The following SLC9A2 variants were observed in gnomAD, a reference collection of about 807,000 sequenced individuals.
SLC9A2 encodes the protein solute carrier family 9 member A2, also known as sodium/hydrogen exchanger 2.
In SLC9A2, 42 loss-of-function variants were observed where a neutral mutation model predicts 71.7. That is an observed-to-expected ratio of 0.59 (90% CI 0.46 to 0.76). The LOEUF (loss-of-function observed/expected upper bound fraction) is 0.76. Ranked by LOEUF, SLC9A2 falls within the 30% of genes least tolerant of loss-of-function variation. The pLI is 0.00. For synonymous variants in SLC9A2, 396 were observed against 392.5 expected, an observed-to-expected ratio of 1.01 and a Z score of -0.10; for missense variants, 829 against 1,017.4, an observed-to-expected ratio of 0.81 and a Z score of 2.52.
At chr2:102,683,936 A>G (rs1166345476) in intron 4 of SLC9A2, among the ~76,000 whole-genome samples, 198 bp from the exon 5 acceptor site, 1 of 151,820 alleles carries the variant, frequency 6.6e-6, no homozygotes, top group Non-Finnish European at 1.5e-5. Flanking sequence ...CTGATTTCAC[A>G]TTTTCACCCA....
At chr2:102,708,091 G>A (rs1398328354) in intron 11 of SLC9A2, 28 bp from the exon 12 acceptor site, 3 of 1,589,720 alleles carry the variant, frequency 1.9e-6, no homozygotes, top group Admixed American at 1.7e-5. Context: ...TAAAATGCTT[G>A]CCCACCTTGT....
intron 1 of SLC9A2, among the ~76,000 whole-genome samples, chr2:102,640,322 T>C (rs1248089001): frequency 1.3e-5 from 2 of 152,176 alleles, no homozygotes; most frequent in African/African-American, 4.8e-5. Flanking sequence ...TATCCTAAAA[T>C]TCAATTCTAT....
chr2:102,660,631 A>G (rs2104522296), intron 2 of SLC9A2, among the ~76,000 whole-genome samples: 1 of 152,360 alleles, frequency 6.6e-6, no homozygotes, highest in East Asian at 1.9e-4. Flanking sequence ...TCTTTGATTC[A>G]TTCATTCAGG....
chr2:102,636,185 T>C (rs969022068), intron 1 of SLC9A2, among the ~76,000 whole-genome samples: 3 of 152,134 alleles, frequency 2.0e-5, no homozygotes, highest in African/African-American at 4.8e-5. Flanking sequence ...TTTGCAACCA[T>C]AAGCAAATGG....
Position 102,708,376 on chromosome 2 carries a change from G to C in SLC9A2, c.2326G>C (p.Glu776Gln), listed in dbSNP as rs1238747699. The C allele has an allele frequency of 6.2e-7, 1 of 1,614,228 alleles. No individual in the cohort carries two copies. The highest frequency in any genetic ancestry group is 1.7e-5 in the Admixed American group (1 of 60,034). Residue 776 changes from glutamate (E) to glutamine (Q), a missense_variant, in exon 12 of 12, where the codon GAG (glutamate) becomes CAG (glutamine). Coordinates refer to ENST00000233969, the MANE Select transcript of SLC9A2 (RefSeq NM_003048.6). ...TCTCTCTAAAGACCAGTCTGGCTCAGAGAGGGAAGACAGTTTGACTGAAGG... is the reference window on the plus strand; with the variant it reads ...TCTCTCTAAAGACCAGTCTGGCTCACAGAGGGAAGACAGTTTGACTGAAGG... ...PLLSKDQSGSEREDSLTEGIP... is the reference protein window; with the variant it reads ...PLLSKDQSGSQREDSLTEGIP...
At chr2:102,653,342 C>T (rs932799954) in intron 1 of SLC9A2, among the ~76,000 whole-genome samples, 1 of 152,128 alleles carries the variant, frequency 6.6e-6, no homozygotes, top group Non-Finnish European at 1.5e-5. Context: ...TTTTTTTCAA[C>T]AAGCATCCCT....
intron 3 of SLC9A2, among the ~76,000 whole-genome samples, chr2:102,675,863 A>T (rs1461335589): frequency 1.3e-5 from 2 of 152,206 alleles, no homozygotes; most frequent in African/African-American, 2.4e-5. Context: ...CCTCTTTGCA[A>T]GCCTCTGCCT....
At chr2:102,650,121 A>G (rs1342453922) in intron 1 of SLC9A2, among the ~76,000 whole-genome samples, 1 of 152,260 alleles carries the variant, frequency 6.6e-6, no homozygotes, top group Non-Finnish European at 1.5e-5. Flanking sequence ...CATATACACC[A>G]TGGAATACTA....
chr2:102,652,820 AT>A (rs568656699), intron 1 of SLC9A2, among the ~76,000 whole-genome samples: 13 of 152,166 alleles, frequency 8.5e-5, no homozygotes, highest in African/African-American at 2.6e-4. Flanking sequence ...TGACTGATAC[AT>A]TTTTTCCCAA....
At chr2:102,632,125 T>TACAC (rs1159659759) in intron 1 of SLC9A2, among the ~76,000 whole-genome samples, 1 of 109,560 alleles carries the variant, frequency 9.1e-6, no homozygotes, top group East Asian at 2.4e-4. Context: ...TATATACATA[T>TACAC]ATACATATAT....
intron 1 of SLC9A2, among the ~76,000 whole-genome samples, chr2:102,622,580 A>T (rs550077643): frequency 6.6e-6 from 1 of 152,156 alleles, no homozygotes; most frequent in East Asian, 1.9e-4. Flanking sequence ...AAAAATGGGG[A>T]GATTAACTTG....
chr2:102,649,808 T>A (rs1255912894), intron 1 of SLC9A2, among the ~76,000 whole-genome samples: 1 of 152,000 alleles, frequency 6.6e-6, no homozygotes, highest in Non-Finnish European at 1.5e-5. Context: ...ATTAAAAAGT[T>A]AGGAAACAAT....
chr2:102,678,328 TA>T (rs11412239), intron 3 of SLC9A2, among the ~76,000 whole-genome samples: 8,630 of 142,786 alleles, frequency 0.06, 478 homozygotes, highest in African/African-American at 0.15. Context: ...TATGGAAAAT[TA>T]AAAAAAAAAA....
intron 1 of SLC9A2, among the ~76,000 whole-genome samples, chr2:102,643,142 G>T (rs988782558): frequency 1.3e-5 from 2 of 152,170 alleles, no homozygotes; most frequent in African/African-American, 4.8e-5. Context: ...GTCAAAAGTG[G>T]GTTGCCTTGT....
At chr2:102,632,039 CAT>C (rs1229729075) in intron 1 of SLC9A2, among the ~76,000 whole-genome samples, 1,762 of 65,886 alleles carry the variant, frequency 0.027, 220 homozygotes, top group African/African-American at 0.09. Context: ...TATATATATA[CAT>C]ACACACACAC....
chr2:102,684,236 G>C lies in SLC9A2; in HGVS notation c.1325G>C (p.Cys442Ser), dbSNP rs764672486. 2.5e-6 allele frequency: 4 copies of C among 1,614,146 alleles called. No individual in the cohort carries two copies. Among genetic ancestry groups the C allele is most frequent in the Non-Finnish European group, 8.5e-7 (1 of 1,179,998 alleles). The stretch of plus-strand genomic sequence containing the variant: ...TATGGAGGACTTCGAGGTGCCATCT[G>C]TTTTGCGTTAGTGTTTCTCCTTCCT... ...IAYGGLRGAI[C>S]FALVFLLPAA... Residue 442 changes from cysteine to serine, a missense_variant, in exon 5 of 12, where the codon TGT becomes TCT. By Grantham distance (112) the Cys-to-Ser change is moderately radical. Around this residue, in one of 3 missense-constraint regions of SLC9A2, gnomAD observed 500 missense variants for 726.3 expected, o/e 0.69. Coordinates refer to ENST00000233969, the MANE Select transcript of SLC9A2 (RefSeq NM_003048.6).
chr2:102,662,813 T>C (rs1288367890), intron 2 of SLC9A2, among the ~76,000 whole-genome samples: 1 of 150,820 alleles, frequency 6.6e-6, no homozygotes, highest in Non-Finnish European at 1.5e-5. Context: ...GACTTCCTGA[T>C]GTGAAAATGG....
Position 102,657,668 on chromosome 2 carries a change from T to C in SLC9A2, c.394T>C (p.Ser132Pro). 1 of 1,614,112 alleles carries C rather than the reference T, an allele frequency of 6.2e-7. No homozygotes were observed. The highest frequency in any genetic ancestry group is 8.5e-7 in the Non-Finnish European group (1 of 1,179,992). The change falls in exon 2 of 12, where the codon TCT (serine) becomes CCT (proline). Residue 132 changes from serine to proline, a missense_variant. Physicochemically the swap from Ser to Pro is moderately conservative, Grantham distance 74. Around this residue, in one of 3 missense-constraint regions of SLC9A2, gnomAD observed 500 missense variants for 726.3 expected, o/e 0.69. Transcript: ENST00000233969. ...GATTATTTTTGGTGTTGATGAGAAG[T>C]CTCCCCCTGCAATGAAGACTGATGT... ...GGIIFGVDEK[S>P]PPAMKTDVFF...
chr2:102,666,488 C>T (rs556176721), intron 3 of SLC9A2, among the ~76,000 whole-genome samples: 4 of 152,262 alleles, frequency 2.6e-5, no homozygotes, highest in East Asian at 1.9e-4. Context: ...TGAGCCACCG[C>T]GCCCAGCCGG....
Sources: allele counts gnomAD v4.1 joint callset (sites outside exome capture counted in the v4.1 genomes callset), GRCh38; gene constraint gnomAD v4.1.1; regional missense constraint gnomAD v4.1.1; transcripts MANE v1.5; gene names NCBI Gene and HGNC (gene_info 2026-07-23, HGNC 2026-07-21).